PLCE1: variants seen among roughly 807,000 people sequenced by gnomAD.
PLCE1 encodes phospholipase C epsilon 1, also known as 1-phosphatidylinositol 4,5-bisphosphate phosphodiesterase epsilon-1.
In PLCE1, 119 loss-of-function variants were observed where a neutral mutation model predicts 242.8. That is an observed-to-expected ratio of 0.49 (90% CI 0.42 to 0.57). The LOEUF (loss-of-function observed/expected upper bound fraction) is 0.57. PLCE1 is among the 20% of genes least tolerant of loss of function. The pLI is 0.00. For synonymous variants in PLCE1, 945 were observed against 1,017.4 expected (o/e 0.93, Z 1.35); for missense variants, 2,441 against 2,788.8 (o/e 0.88, Z 2.81).
intron 2 of PLCE1, among the ~76,000 whole-genome samples, chr10:94,052,610 CT>C (rs1388656458): frequency 6.6e-6 from 1 of 152,150 alleles, no homozygotes; most frequent in Non-Finnish European, 1.5e-5. Flanking sequence ...AAAGGGAACT[CT>C]TTTTCCCCCT....
At chr10:94,179,178 G>T (rs758951350) in intron 4 of PLCE1, among the ~76,000 whole-genome samples, 4 of 152,058 alleles carry the variant, frequency 2.6e-5, no homozygotes, top group Admixed American at 6.6e-5. Flanking sequence ...GAAATTTCTT[G>T]ACTAAAAAAA....
chr10:94,250,690 T>C (rs1051300158), intron 8 of PLCE1, among the ~76,000 whole-genome samples: 2 of 152,196 alleles, frequency 1.3e-5, no homozygotes, highest in Admixed American at 6.5e-5. Context: ...TTGACCCATG[T>C]TGGGATGTTC....
chr10:94,089,393 T>A, intron 2 of PLCE1: 1 of 1,555,114 alleles, frequency 6.4e-7, no homozygotes, highest in Non-Finnish European at 8.7e-7. Flanking sequence ...GTTCTTGTTG[T>A]CTAAGAAATC....
chr10:94,220,672 C>T (rs2049709047), intron 4 of PLCE1, among the ~76,000 whole-genome samples: 1 of 151,960 alleles, frequency 6.6e-6, no homozygotes, highest in Admixed American at 6.6e-5. Context: ...ACAGTACTTG[C>T]AGCAGCAGAG....
chr10:94,301,055 T>C (rs566854402), intron 24 of PLCE1, among the ~76,000 whole-genome samples: 1 of 145,262 alleles, frequency 6.9e-6, no homozygotes, highest in Non-Finnish European at 1.5e-5. Context: ...AAAAAATACA[T>C]AGCTAGGGGC....
intron 2 of PLCE1, among the ~76,000 whole-genome samples, chr10:94,124,131 G>C (rs935057280): frequency 6.6e-6 from 1 of 152,150 alleles, no homozygotes; most frequent in African/African-American, 2.4e-5. Context: ...TAAAATCCCA[G>C]CACGCTGGGA....
At chr10:94,092,144 A>C (rs1332606886) in intron 2 of PLCE1, among the ~76,000 whole-genome samples, 2 of 152,222 alleles carry the variant, frequency 1.3e-5, no homozygotes, top group Non-Finnish European at 2.9e-5. Context: ...TAATTATGAA[A>C]AATAGTCAAT....
intron 4 of PLCE1, among the ~76,000 whole-genome samples, chr10:94,198,466 T>C (rs988460693): frequency 6.6e-6 from 1 of 152,354 alleles, no homozygotes; most frequent in South Asian, 2.1e-4. Context: ...TTACATACAA[T>C]AGAATTTGCC....
At chr10:94,260,890 C>T (rs985392309) in intron 13 of PLCE1, among the ~76,000 whole-genome samples, 1 of 152,018 alleles carries the variant, frequency 6.6e-6, no homozygotes, top group Non-Finnish European at 1.5e-5. Flanking sequence ...TACAGAGTTC[C>T]AATATACTCT....
intron 3 of PLCE1, among the ~76,000 whole-genome samples, chr10:94,151,716 G>A (rs2047282065): frequency 6.6e-6 from 1 of 152,226 alleles, no homozygotes; most frequent in Admixed American, 6.5e-5. Context: ...GCTGCAAGGG[G>A]GCCAGAAATG....
intron 1 of PLCE1, among the ~76,000 whole-genome samples, chr10:94,022,322 C>T (rs559483429): frequency 1.3e-5 from 2 of 151,970 alleles, no homozygotes; most frequent in South Asian, 2.1e-4. Flanking sequence ...TAGGAACATA[C>T]TTAACAAAAG....
intron 2 of PLCE1, among the ~76,000 whole-genome samples, chr10:94,056,108 C>G (rs866953467): frequency 6.6e-6 from 1 of 152,088 alleles, no homozygotes. Context: ...TTTTAGCAAA[C>G]CCTTTTCTGT....
intron 4 of PLCE1, among the ~76,000 whole-genome samples, chr10:94,213,003 T>G (rs1204601007): frequency 2.0e-5 from 3 of 152,166 alleles, no homozygotes; most frequent in Non-Finnish European, 4.4e-5. Flanking sequence ...AAGTGCAGCT[T>G]GGAAGTGCTG....
In PLCE1 at chr10:94,308,023, T is replaced by A. The variant is rs543016928; in HGVS notation, c.5885-558T>A. ...CGTAACACATGAGCATACAGATATA[T>A]TTTTAACAAACAGGCTTTCTACTAA... On this transcript the variant is annotated intron_variant, in intron 26 of 32. Transcript: ENST00000371380. 2.6e-3 allele frequency among the ~76,000 whole-genome samples: 402 copies of A among 152,374 alleles called. 4 individuals are homozygous for A. The highest frequency in any genetic ancestry group is 7.5e-3 in the African/African-American group (314 of 41,590).
At chr10:94,304,411 C>G (rs3818432) in intron 24 of PLCE1, 71 bp from the exon 25 acceptor site, 2 of 1,390,040 alleles carry the variant, frequency 1.4e-6, no homozygotes, top group Admixed American at 3.4e-5. Flanking sequence ...TTTGAACTTT[C>G]AATTTATAAG....
At chr10:94,299,938 A>T (rs1589502267) in intron 24 of PLCE1, among the ~76,000 whole-genome samples, 1 of 152,356 alleles carries the variant, frequency 6.6e-6, no homozygotes, top group East Asian at 1.9e-4. Context: ...AGTTATGAAA[A>T]CAGTATGATT....
intron 3 of PLCE1, among the ~76,000 whole-genome samples, chr10:94,158,613 A>AT (rs1337407907): frequency 6.6e-6 from 1 of 152,130 alleles, no homozygotes; most frequent in Non-Finnish European, 1.5e-5. Context: ...CGGTGTTATT[A>AT]TAATGGTAAA....
intron 4 of PLCE1, among the ~76,000 whole-genome samples, chr10:94,205,289 G>T (rs1016609427): frequency 2.0e-5 from 3 of 151,974 alleles, no homozygotes; most frequent in Non-Finnish European, 4.4e-5. Flanking sequence ...TAATAGTGGG[G>T]GAAGAAGAGA....
Position 94,032,142 on chromosome 10 carries a change from C to T in PLCE1, c.1096C>T (p.Gln366Ter), listed in dbSNP as rs955777589. 6 of 1,609,658 alleles carry T rather than the reference C, an allele frequency of 3.7e-6. No homozygotes were observed. Among genetic ancestry groups the T allele is most frequent in the Non-Finnish European group, 5.1e-6 (6 of 1,178,790 alleles). ...IGLTAWSYID[Q>*]KRNGPLLPCG... Reference sequence around the variant, plus strand: ...GCTGACTGCATGGAGTTACATAGATCAGAAGAGAAATGGTCCCTTACTGCC... The same window carrying T: ...GCTGACTGCATGGAGTTACATAGATTAGAAGAGAAATGGTCCCTTACTGCC... The change falls in exon 2 of 33, where the codon CAG becomes TAG. Residue 366 changes from glutamine (Q) to a stop codon, truncating the protein, a stop_gained. Coordinates refer to ENST00000371380, the MANE Select transcript of PLCE1 (RefSeq NM_016341.4). LOFTEE classifies it high-confidence loss of function.
Sources: gnomAD v4.1 joint callset for allele counts (sites outside exome capture counted in the v4.1 genomes callset) on GRCh38, gnomAD v4.1.1 for gene constraint, MANE v1.5 for transcripts, NCBI Gene and HGNC (gene_info 2026-07-23, HGNC 2026-07-21) for gene names.